Variants in RGPD4 observed in about 807,000 individuals in gnomAD.
The protein encoded by RGPD4 is RANBP2 like and GRIP domain containing 4.
A neutral mutation model predicts 141.1 loss-of-function variants in RGPD4; 84 were observed. The observed-to-expected ratio is 0.60, with a 90% CI of 0.50 to 0.71. The LOEUF is 0.71. Ranked by LOEUF, RGPD4 falls within the 30% of genes least tolerant of loss-of-function variation. The pLI, the probability that RGPD4 is intolerant of heterozygous loss-of-function variation, is 0.00. For synonymous variants in RGPD4, 298 were observed against 566.8 expected (o/e 0.53, Z 6.74); for missense variants, 918 against 1,622.4 (o/e 0.57, Z 7.46).
intron 1 of RGPD4, among the ~76,000 whole-genome samples, chr2:107,834,436 T>C (rs915073467): frequency 2.0e-5 from 3 of 151,874 alleles, no homozygotes; most frequent in African/African-American, 7.3e-5. Context: ...CAGTTCTGAA[T>C]AACATGATAA....
rs565043296 is a variant in RGPD4, at chr2:107,829,984, G to C, written c.72+2899G>C. 3.0e-4 allele frequency among the ~76,000 whole-genome samples: 45 copies of C among 152,014 alleles called. 1 individual carries two copies. The highest frequency in any genetic ancestry group is 8.8e-5 in the Non-Finnish European group (6 of 68,004). ...CCGGGTGAGCTTTGGCGGCTGCGTC[G>C]AGTGACAAGGTAGGCATCTCAGCGC... On this transcript the variant is annotated intron_variant, in intron 1 of 22. Coordinates refer to ENST00000408999, the MANE Select transcript of RGPD4 (RefSeq NM_182588.3).
At chr2:107,880,596 T>G (rs1325122458) in intron 21 of RGPD4, among the ~76,000 whole-genome samples, 3 of 151,374 alleles carry the variant, frequency 2.0e-5, no homozygotes, top group Non-Finnish European at 1.5e-5. Flanking sequence ...ACATAAAGAT[T>G]ATTTCTTAAT....
At chr2:107,840,760 A>AT (rs1197748927) in intron 4 of RGPD4, among the ~76,000 whole-genome samples, 2 of 71,992 alleles carry the variant, frequency 2.8e-5, no homozygotes, top group Non-Finnish European at 6.2e-5. Context: ...TTTTATTTCT[A>AT]TTTTTTTGAG....
intron 6 of RGPD4, among the ~76,000 whole-genome samples, chr2:107,845,308 G>A (rs1213438655): frequency 4.6e-4 from 53 of 115,590 alleles, no homozygotes; most frequent in South Asian, 9.7e-4. Flanking sequence ...GCGCAATCTC[G>A]GCTCACTGCA....
chr2:107,829,672 G>T (rs1169333419), intron 1 of RGPD4, among the ~76,000 whole-genome samples: 1 of 152,164 alleles, frequency 6.6e-6, no homozygotes, highest in Non-Finnish European at 1.5e-5. Flanking sequence ...TGCGAGCGCA[G>T]GAAGAGTCCT....
chr2:107,844,400 T>C (rs1462023845), intron 6 of RGPD4, among the ~76,000 whole-genome samples: 1 of 152,220 alleles, frequency 6.6e-6, no homozygotes, highest in African/African-American at 2.4e-5. Flanking sequence ...TTATGTATTG[T>C]CTGTGGCTGC....
intron 1 of RGPD4, among the ~76,000 whole-genome samples, chr2:107,831,514 C>A (rs1363781962): frequency 1.4e-5 from 2 of 144,682 alleles, no homozygotes; most frequent in African/African-American, 5.0e-5. Context: ...CACATATATA[C>A]TTTTGTTATT....
intron 8 of RGPD4, among the ~76,000 whole-genome samples, chr2:107,856,189 G>T (rs1682303234): frequency 8.1e-6 from 1 of 123,272 alleles, no homozygotes. Context: ...CAGTAGCTGG[G>T]ACTACAGGCA....
intron 1 of RGPD4, among the ~76,000 whole-genome samples, chr2:107,827,479 C>T (rs1332392270): frequency 2.7e-5 from 1 of 37,454 alleles, no homozygotes; most frequent in Admixed American, 1.8e-4. Flanking sequence ...CTCCCTGGCG[C>T]GCTCTGTTGA....
At chr2:107,830,649 T>C (rs1391846090) in intron 1 of RGPD4, among the ~76,000 whole-genome samples, 2 of 151,968 alleles carry the variant, frequency 1.3e-5, no homozygotes, top group African/African-American at 4.8e-5. Context: ...TCTGTGAAGT[T>C]AGGTTTGAGT....
At chr2:107,832,220 AC>A (rs1402443072) in intron 1 of RGPD4, among the ~76,000 whole-genome samples, 2 of 149,526 alleles carry the variant, frequency 1.3e-5, no homozygotes, top group African/African-American at 4.9e-5. Flanking sequence ...TACCTGGAAT[AC>A]CCTTACTAAC....
intron 9 of RGPD4, among the ~76,000 whole-genome samples, chr2:107,857,269 C>A (rs1351171847): frequency 6.6e-6 from 1 of 151,472 alleles, no homozygotes. Flanking sequence ...TCCCAAGTAG[C>A]GGGATTACAA....
rs548980788 is a variant in RGPD4 at position 107,829,407 on chromosome 2, C to T, written c.72+2322C>T. ...TCGATGGCTCAGGCGTCATGGCTAC[C>T]GACGGGCGCTGCTCCCTGGCGCGCT... On this transcript the variant is annotated intron_variant, in intron 1 of 22. Transcript: ENST00000408999. 4.1e-3 allele frequency among the ~76,000 whole-genome samples: 101 copies of T among 24,526 alleles called. 19 individuals carry two copies. The highest frequency in any genetic ancestry group is 0.018 in the African/African-American group (86 of 4,662). 16.1% of individuals were successfully genotyped at this position (24,526 alleles called of 152,430 possible).
At position 107,827,010 on chromosome 2, in the gene RGPD4, C is replaced by G; in HGVS notation, c.-4C>G. On this transcript the variant is annotated 5_prime_UTR_variant, in exon 1 of 23. Transcript: ENST00000408999. ...CGCGTCTCGGGAGCCAGGTTGGTGG[C>G]GCGATGAGTTGCAGCAAGGCCTACG... 1 of 1,597,424 alleles carries G rather than the reference C, an allele frequency of 6.3e-7. No homozygotes were observed. Among genetic ancestry groups the G allele is most frequent in the South Asian group, 1.1e-5 (1 of 87,898 alleles).
chr2:107,857,645 G>A (rs1682372366), intron 9 of RGPD4, among the ~76,000 whole-genome samples: 1 of 151,558 alleles, frequency 6.6e-6, no homozygotes, highest in South Asian at 2.1e-4. Flanking sequence ...TTGTTGCCCA[G>A]GCTAGTCTCC....
At chr2:107,847,061 T>C (rs906268687) in intron 6 of RGPD4, among the ~76,000 whole-genome samples, 12 of 150,252 alleles carry the variant, frequency 8.0e-5, no homozygotes, top group Admixed American at 7.9e-4. Context: ...CTAACAATGG[T>C]GAAACCTTGT....
rs1682936636 is a variant in RGPD4, at chr2:107,871,888, G to A, written c.3884G>A (p.Ser1295Asn). Residue 1295 changes from serine to asparagine, a missense_variant, in exon 20 of 23, where the codon AGT (serine) becomes AAT (asparagine). By Grantham distance (46) the Ser-to-Asn change is conservative. Transcript: ENST00000408999. ...GAGTCAACAACAGGATCTAACTTCA[G>A]TTTTAAATCTGCTTTGAGTCCATCT... ...FGESTTGSNF[S>N]FKSALSPSKS... is the part of the protein sequence containing the mutation. 4 of 1,611,604 alleles carry A rather than the reference G, an allele frequency of 2.5e-6. No individual in the cohort carries two copies. The South Asian group carries it at 3.3e-5, about 13-fold the overall frequency.
At chr2:107,832,749 G>A (rs1225834470) in intron 1 of RGPD4, among the ~76,000 whole-genome samples, 46 of 151,754 alleles carry the variant, frequency 3.0e-4, no homozygotes, top group East Asian at 9.6e-4. Context: ...AATTTTTTTC[G>A]CAATTTTGAA....
In RGPD4 at chr2:107,890,797, TGGAA is replaced by T. The variant is rs1375708187; in HGVS notation, c.*71_*74del. 30 of 1,593,266 alleles carry T rather than the reference TGGAA, an allele frequency of 1.9e-5. No homozygotes were observed. Among genetic ancestry groups the T allele is most frequent in the Non-Finnish European group, 2.5e-5 (29 of 1,169,866 alleles). On this transcript the variant is annotated 3_prime_UTR_variant, in exon 23 of 23. Coordinates refer to ENST00000408999, the MANE Select transcript of RGPD4 (RefSeq NM_182588.3). ...GTTGGTTTGGACTTCGATAGGTTGA[TGGAA>T]GGAATATTTTTATTAACCAAATAAA...
Sources: gnomAD v4.1 joint callset for allele counts (sites outside exome capture counted in the v4.1 genomes callset) on GRCh38, gnomAD v4.1.1 for gene constraint, MANE v1.5 for transcripts, NCBI Gene and HGNC (gene_info 2026-07-23, HGNC 2026-07-21) for gene names.